The following CUX1 variants were observed in gnomAD, a reference collection of about 807,000 sequenced individuals.
CUX1 encodes cut like homeobox 1, also known as protein CASP.
Under a neutral mutation model 158.8 loss-of-function variants are expected in CUX1, and 31 were observed. The observed-to-expected ratio is 0.20, with a 90% CI of 0.15 to 0.26. The LOEUF is 0.26. CUX1 is among the 10% of genes least tolerant of loss of function. The pLI, the probability that CUX1 is intolerant of heterozygous loss-of-function variation, is 1.00. For missense variants in CUX1, 1,589 were observed against 2,014.6 expected (o/e 0.79, Z 4.04); for synonymous variants, 879 against 862.1 (o/e 1.02, Z -0.34).
In CUX1 at chr7:102,193,744, G is replaced by A. The variant is rs782010129; in HGVS notation, c.1077-98G>A. On this transcript the variant is annotated intron_variant, in intron 12 of 23. Coordinates refer to ENST00000292535, the MANE Select transcript of CUX1 (RefSeq NM_181552.4). ...CGCTTGAACCTGGGCAGAGGTTGCA[G>A]TGAGCCAATATCGCGCCACTGCACT... 38 of 1,254,646 alleles carry A rather than the reference G, an allele frequency of 3.0e-5. No homozygotes were observed. The African/African-American group carries it at 5.0e-4, about 17-fold the overall frequency. 77.7% of individuals were successfully genotyped at this position (1,254,646 alleles called of 1,614,324 possible). A position where few individuals can be genotyped will look rare whatever the true frequency, so the allele number is the denominator to read the frequency against.
chr7:102,280,897 G>T, intron 20 of CUX1: 1 of 1,589,546 alleles, frequency 6.3e-7, no homozygotes. Context: ...TCCCTGGACA[G>T]GCCTGAGCCT....
Position 102,253,353 on chromosome 7 carries a change from C to T in CUX1, c.*4311C>T. The T allele has an allele frequency of 6.1e-6, 6 of 985,480 alleles. No individual in the cohort carries two copies. The highest frequency in any genetic ancestry group is 7.2e-6 in the Non-Finnish European group (6 of 829,956). 61.0% of individuals were successfully genotyped at this position (985,480 alleles called of 1,614,324 possible). A position where few individuals can be genotyped will look rare whatever the true frequency, so the allele number is the denominator to read the frequency against. On this transcript the variant is annotated 3_prime_UTR_variant, in exon 24 of 24. Transcript: ENST00000292535. Reference sequence around the variant, plus strand: ...GTTTACACAGGCTGCAAAGAGATCGCTGTGGGCCTCGGCTGACTACTTTAA... The same window carrying T: ...GTTTACACAGGCTGCAAAGAGATCGTTGTGGGCCTCGGCTGACTACTTTAA...
intron 3 of CUX1, among the ~76,000 whole-genome samples, chr7:102,057,862 C>T (rs1016123552): frequency 6.6e-6 from 1 of 152,190 alleles, no homozygotes; most frequent in Non-Finnish European, 1.5e-5. Context: ...GGATTGACTC[C>T]TATTTTTTAA....
intron 1 of CUX1, among the ~76,000 whole-genome samples, chr7:101,843,068 G>C (rs866294595): frequency 6.6e-6 from 1 of 151,486 alleles, no homozygotes; most frequent in African/African-American, 2.4e-5. Context: ...GAGTTTCACC[G>C]TGTTAGCCAG....
intron 18 of CUX1, chr7:102,278,194 G>A: frequency 1.8e-6 from 1 of 561,458 alleles, no homozygotes; most frequent in Non-Finnish European, 3.1e-6. Context: ...GACCCCTGAG[G>A]CCTTCCGACA....
intron 3 of CUX1, among the ~76,000 whole-genome samples, chr7:102,069,334 C>G (rs1227988127): frequency 6.6e-6 from 1 of 152,172 alleles, no homozygotes; most frequent in Non-Finnish European, 1.5e-5. Flanking sequence ...TATCCGCGTT[C>G]CCACCTGGCA....
chr7:101,872,022 A>G (rs531336810), intron 1 of CUX1, among the ~76,000 whole-genome samples: 1 of 149,496 alleles, frequency 6.7e-6, no homozygotes, highest in South Asian at 2.1e-4. Flanking sequence ...CATCCCCCCA[A>G]AAAAAAAAAA....
chr7:102,192,128 G>A (rs543289257), intron 12 of CUX1, among the ~76,000 whole-genome samples: 2 of 152,224 alleles, frequency 1.3e-5, no homozygotes, highest in East Asian at 3.9e-4. Context: ...TCTTGCCCGC[G>A]TCCCCTTCTC....
chr7:102,191,080 C>T (rs1176253114), intron 12 of CUX1, among the ~76,000 whole-genome samples: 1 of 152,126 alleles, frequency 6.6e-6, no homozygotes, highest in Non-Finnish European at 1.5e-5. Context: ...GCCTCCCTGG[C>T]GTCTGCTGGC....
At chr7:102,078,717 AG>A (rs1827046452) in intron 4 of CUX1, among the ~76,000 whole-genome samples, 1 of 152,150 alleles carries the variant, frequency 6.6e-6, no homozygotes, top group African/African-American at 2.4e-5. Flanking sequence ...TTATTTCCAT[AG>A]GTTAACTGGT....
chr7:101,824,085 A>C (rs1432970667), intron 1 of CUX1, among the ~76,000 whole-genome samples: 1 of 151,754 alleles, frequency 6.6e-6, no homozygotes, highest in East Asian at 1.9e-4. Context: ...ACGAATATCA[A>C]CTCTTTTTAT....
chr7:102,032,711 T>C (rs1018570836), intron 3 of CUX1, among the ~76,000 whole-genome samples: 1 of 151,938 alleles, frequency 6.6e-6, no homozygotes, highest in African/African-American at 2.4e-5. Context: ...TTTCAGATAA[T>C]GAAATGATTA....
chr7:102,270,963 C>T (rs1554546132), intron 14 of CUX1, among the ~76,000 whole-genome samples: 2 of 152,180 alleles, frequency 1.3e-5, no homozygotes, highest in African/African-American at 2.4e-5. Flanking sequence ...CTGGTGCCCA[C>T]GGATGGTGCT....
At chr7:101,817,570 T>G, upstream of CUX1, 1 of 1,477,622 alleles carries the variant, frequency 6.8e-7, no homozygotes, top group African/African-American at 1.4e-5. This position sits in a 1 kb window ranked among gnomAD's most constrained non-coding sequence, Gnocchi z 4.1. Flanking sequence ...GGCGCACCCT[T>G]AGGGTCCGCC....
At chr7:102,061,825 A>AG (rs1824916082) in intron 3 of CUX1, among the ~76,000 whole-genome samples, 1 of 152,172 alleles carries the variant, frequency 6.6e-6, no homozygotes, top group Non-Finnish European at 1.5e-5. Flanking sequence ...ACTTGAGCTC[A>AG]GGAGTGAGCC....
At chr7:101,856,035 GC>G (rs1796769454) in intron 1 of CUX1, among the ~76,000 whole-genome samples, 1 of 151,584 alleles carries the variant, frequency 6.6e-6, no homozygotes, top group African/African-American at 2.4e-5. Context: ...AGAAAAATTG[GC>G]CAGGTGTGGT....
In CUX1 at chr7:101,991,595, C is replaced by T. The variant is rs151026651; in HGVS notation, c.142-36503C>T. ...CCAATATGGCCAAACCCTGTCTCTACTAAAAATACCAAAATTAGCTGGACG... is the reference window on the plus strand; with the variant it reads ...CCAATATGGCCAAACCCTGTCTCTATTAAAAATACCAAAATTAGCTGGACG... On this transcript the variant is annotated intron_variant, in intron 2 of 23. Coordinates refer to ENST00000292535, the MANE Select transcript of CUX1 (RefSeq NM_181552.4). Among the ~76,000 whole-genome samples the T allele has an allele frequency of 2.9e-3, 448 of 152,184 alleles. 4 individuals are homozygous for T. The highest frequency in any genetic ancestry group is 0.01 in the African/African-American group (435 of 41,526).
intron 22 of CUX1, among the ~76,000 whole-genome samples, chr7:102,236,886 A>G (rs1554533066): frequency 6.6e-6 from 1 of 152,194 alleles, no homozygotes; most frequent in Non-Finnish European, 1.5e-5. Flanking sequence ...TGTGTTACAA[A>G]TGAATTACTG....
At chr7:101,876,342 CAAAA>C (rs991247362) in intron 1 of CUX1, among the ~76,000 whole-genome samples, 3 of 52,764 alleles carry the variant, frequency 5.7e-5, no homozygotes, top group Non-Finnish European at 1.3e-4. Flanking sequence ...AAAAAAAAAA[CAAAA>C]AAAAAACCTG....
Sources: allele counts gnomAD v4.1 joint callset (sites outside exome capture counted in the v4.1 genomes callset), GRCh38; gene constraint gnomAD v4.1.1; non-coding constraint Gnocchi (gnomAD v3.1); transcripts MANE v1.5; gene names NCBI Gene and HGNC (gene_info 2026-07-23, HGNC 2026-07-21).